FMNL2: variants seen among roughly 807,000 people sequenced by gnomAD.
FMNL2 encodes the protein formin-like protein 2.
FMNL2 carries 51 observed loss-of-function variants against 130.2 expected under a neutral mutation model. The observed-to-expected ratio is 0.39, with a 90% CI of 0.31 to 0.49. The LOEUF (loss-of-function observed/expected upper bound fraction) is 0.49. FMNL2 is among the 20% of genes least tolerant of loss of function. The pLI is 0.85. For synonymous variants in FMNL2, 465 were observed against 467.1 expected, an observed-to-expected ratio of 1.00 and a Z score of 0.06; for missense variants, 977 against 1,316.2, an observed-to-expected ratio of 0.74 and a Z score of 3.99.
intron 13 of FMNL2, among the ~76,000 whole-genome samples, chr2:152,618,268 T>TTACCGA (rs1277330733): frequency 1.3e-5 from 2 of 152,200 alleles, no homozygotes; most frequent in Non-Finnish European, 2.9e-5. Flanking sequence ...GTTAACCGCA[T>TTACCGA]TACCGATGGG....
chr2:152,479,185 G>GTGAT (rs1280859774), intron 1 of FMNL2, among the ~76,000 whole-genome samples: 1 of 152,098 alleles, frequency 6.6e-6, no homozygotes, highest in East Asian at 1.9e-4. Context: ...GTTCACTGAT[G>GTGAT]TGATCATGGC....
chr2:152,475,080 C>T (rs1484750948), intron 1 of FMNL2, among the ~76,000 whole-genome samples: 1 of 152,120 alleles, frequency 6.6e-6, no homozygotes, highest in Non-Finnish European at 1.5e-5. Context: ...AATGTGGGTA[C>T]AGAACTCACC....
At chr2:152,621,368 G>A (rs1559017223) in intron 15 of FMNL2, among the ~76,000 whole-genome samples, 1 of 152,240 alleles carries the variant, frequency 6.6e-6, no homozygotes, top group African/African-American at 2.4e-5. Flanking sequence ...GCCATGTCCT[G>A]TGTGATTGAT....
chr2:152,648,037 C>G lies in FMNL2; in HGVS notation c.*132C>G. 1 of 793,856 alleles carries G rather than the reference C, an allele frequency of 1.3e-6. No homozygotes were observed. The highest frequency in any genetic ancestry group is 1.8e-5 in the South Asian group (1 of 55,354). The allele number at this position is 793,856 out of a possible 1,614,324, so 49.2% of individuals were successfully genotyped here. ...CTTAAGGGCTCAGATTTAGCAAACA[C>G]GGAAGAATTTTAAAATGAGCTCTCC... On this transcript the variant is annotated 3_prime_UTR_variant, in exon 26 of 26. Transcript: ENST00000288670.
chr2:152,430,660 C>T (rs1687445468), intron 1 of FMNL2, among the ~76,000 whole-genome samples: 1 of 152,120 alleles, frequency 6.6e-6, no homozygotes, highest in South Asian at 2.1e-4. Context: ...ATTGCCTGAG[C>T]TCAGGAGTTC....
Position 152,390,195 on chromosome 2 carries a change from C to A in FMNL2, c.117+54475C>A, listed in dbSNP as rs570423435. ...CCTGTCGGAGCTGGACCTGGTGGTCCCTTTCCGTGTAAACTTCCGGCTGAA... is the reference window on the plus strand; with the variant it reads ...CCTGTCGGAGCTGGACCTGGTGGTCACTTTCCGTGTAAACTTCCGGCTGAA... On this transcript the variant is annotated intron_variant, in intron 1 of 25. Coordinates refer to ENST00000288670, the MANE Select transcript of FMNL2 (RefSeq NM_052905.4). 10 of 1,366,946 alleles carry A rather than the reference C, an allele frequency of 7.3e-6. No homozygotes were observed. In the African/African-American group the frequency reaches 1.3e-4, roughly 18 times the overall value. 84.7% of individuals were successfully genotyped at this position (1,366,946 alleles called of 1,614,324 possible). A position where few individuals can be genotyped will look rare whatever the true frequency, so the allele number is the denominator to read the frequency against.
intron 1 of FMNL2, among the ~76,000 whole-genome samples, chr2:152,440,375 A>G (rs1299358389): frequency 6.6e-6 from 1 of 152,250 alleles, no homozygotes; most frequent in African/African-American, 2.4e-5. Flanking sequence ...TATGCTTGCA[A>G]AAAACCAAAA....
At chr2:152,528,926 C>T (rs752477875) in intron 2 of FMNL2, among the ~76,000 whole-genome samples, 2 of 152,128 alleles carry the variant, frequency 1.3e-5, no homozygotes, top group Non-Finnish European at 2.9e-5. Flanking sequence ...CATGCAAATG[C>T]ACACCTGGGA....
At chr2:152,588,773 C>T (rs894820784) in intron 9 of FMNL2, among the ~76,000 whole-genome samples, 2 of 152,040 alleles carry the variant, frequency 1.3e-5, no homozygotes, top group Non-Finnish European at 2.9e-5. Flanking sequence ...GAAAAGGCCC[C>T]CTTGCTTATC....
At chr2:152,566,846 G>A (rs1006873026) in intron 6 of FMNL2, among the ~76,000 whole-genome samples, 2 of 152,172 alleles carry the variant, frequency 1.3e-5, no homozygotes, top group Non-Finnish European at 2.9e-5. Flanking sequence ...GACTTGGTGT[G>A]GATGTGAAAC....
chr2:152,639,590 T>C (rs1449372222), intron 23 of FMNL2, among the ~76,000 whole-genome samples: 2 of 152,176 alleles, frequency 1.3e-5, no homozygotes, highest in African/African-American at 4.8e-5. Flanking sequence ...TCTTAGATCC[T>C]GCTATCAGAG....
intron 9 of FMNL2, among the ~76,000 whole-genome samples, chr2:152,593,888 TGTGTGTGTGTGTGTGAGAGA>T (rs1558991998): frequency 8.1e-5 from 9 of 111,310 alleles, no homozygotes; most frequent in African/African-American, 2.5e-4. Context: ...TGTGTGTGTG[TGTGTGTGTGTGTGTGAGAGA>T]GAGAGAGAGA....
chr2:152,467,058 G>T (rs899363592), intron 1 of FMNL2, among the ~76,000 whole-genome samples: 4 of 152,118 alleles, frequency 2.6e-5, no homozygotes, highest in African/African-American at 9.7e-5. Flanking sequence ...CTACAATGAG[G>T]CAAGCCTTAG....
intron 1 of FMNL2, among the ~76,000 whole-genome samples, chr2:152,490,314 G>A (rs1485086887): frequency 6.6e-6 from 1 of 151,916 alleles, no homozygotes; most frequent in African/African-American, 2.4e-5. Context: ...GGAAGACAAG[G>A]GAAAAGAAAA....
At chr2:152,629,511 A>G in intron 18 of FMNL2, 145 bp from the exon 19 acceptor site, 1 of 690,534 alleles carries the variant, frequency 1.4e-6, no homozygotes. Context: ...AATTTGTTAT[A>G]CTTAGAAAAA....
intron 25 of FMNL2, among the ~76,000 whole-genome samples, chr2:152,641,544 A>G (rs972272652): frequency 5.3e-5 from 8 of 152,208 alleles, no homozygotes; most frequent in African/African-American, 1.7e-4. Flanking sequence ...CTTTTCCTTC[A>G]TGTCTGTTGC....
intron 10 of FMNL2, among the ~76,000 whole-genome samples, chr2:152,608,366 AAAAAAG>A (rs369452726): frequency 0.24 from 6,143 of 25,620 alleles, 315 homozygotes; most frequent in Non-Finnish European, 0.35. Flanking sequence ...TTGTGAAAAA[AAAAAAG>A]AAAAAAAAAA....
At chr2:152,418,376 G>C (rs147523621) in intron 1 of FMNL2, among the ~76,000 whole-genome samples, 5 of 152,176 alleles carry the variant, frequency 3.3e-5, no homozygotes, top group African/African-American at 1.2e-4. Context: ...ATTGTTGGTG[G>C]TGCAATGATC....
intron 1 of FMNL2, among the ~76,000 whole-genome samples, chr2:152,423,732 C>T (rs910479420): frequency 5.3e-5 from 8 of 152,002 alleles, no homozygotes; most frequent in African/African-American, 1.9e-4. Flanking sequence ...TATATTGGAC[C>T]TCAGAGAGCT....
Sources: allele counts gnomAD v4.1 joint callset (sites outside exome capture counted in the v4.1 genomes callset), GRCh38; gene constraint gnomAD v4.1.1; transcripts MANE v1.5; gene names NCBI Gene and HGNC (gene_info 2026-07-23, HGNC 2026-07-21).